TSHZ2: variants seen among roughly 807,000 people sequenced by gnomAD.
TSHZ2 encodes the protein teashirt zinc finger homeobox 2, also known as teashirt homolog 2.
TSHZ2 carries 21 observed loss-of-function variants against 74.4 expected under a neutral mutation model. The observed-to-expected ratio is 0.28, with a 90% CI of 0.20 to 0.41. The LOEUF (loss-of-function observed/expected upper bound fraction) is 0.41, where lower values mean the gene tolerates loss of function less well. Among genes scored for constraint, TSHZ2 ranks in the 10% least tolerant of loss-of-function variants. The pLI is 1.00. For synonymous variants in TSHZ2, 540 were observed against 515.3 expected (o/e 1.05, Z -0.65); for missense variants, 1,244 against 1,293.5 (o/e 0.96, Z 0.59).
chr20:53,313,936 A>G (rs191240842), intron 2 of TSHZ2, among the ~76,000 whole-genome samples: 14 of 152,296 alleles, frequency 9.2e-5, no homozygotes, highest in African/African-American at 3.4e-4. Context: ...CTGGCTGTGT[A>G]TTACCTTATT....
intron 1 of TSHZ2, among the ~76,000 whole-genome samples, chr20:52,988,735 A>G (rs2122907111): frequency 6.6e-6 from 1 of 152,282 alleles, no homozygotes; most frequent in Middle Eastern, 3.4e-3. Flanking sequence ...TTCCTGTTTC[A>G]CTAAACAAAA....
chr20:53,275,532 C>T lies in TSHZ2; in HGVS notation c.*8+18961C>T, dbSNP rs189710195. ...AGGTGATTTTCAAGAGGAAAGGCTG[C>T]AGGTCGATGAGCACAAGCCCCCTGT... is the stretch of plus-strand genomic sequence containing the variant. On this transcript the variant is annotated intron_variant, in intron 2 of 2. Coordinates refer to ENST00000371497, the MANE Select transcript of TSHZ2 (RefSeq NM_173485.6). 3.2e-4 allele frequency among the ~76,000 whole-genome samples: 48 copies of T among 152,196 alleles called. 1 individual carries two copies. The Middle Eastern group carries it at 0.01, about 32-fold the overall frequency.
At chr20:53,150,662 GAA>G (rs966828154) in intron 1 of TSHZ2, among the ~76,000 whole-genome samples, 13 of 148,610 alleles carry the variant, frequency 8.7e-5, no homozygotes, top group Admixed American at 8.1e-4. Flanking sequence ...AAGAAGGAAA[GAA>G]AGAGAAAGAA....
At chr20:53,158,421 A>G (rs1568787489) in intron 1 of TSHZ2, among the ~76,000 whole-genome samples, 1 of 152,044 alleles carries the variant, frequency 6.6e-6, no homozygotes, top group Non-Finnish European at 1.5e-5. Context: ...CAGGCAGGAC[A>G]GGGCTGTGGC....
intron 2 of TSHZ2, among the ~76,000 whole-genome samples, chr20:53,326,682 G>A (rs957907540): frequency 1.3e-5 from 2 of 152,180 alleles, no homozygotes; most frequent in Non-Finnish European, 2.9e-5. Flanking sequence ...ATGTGCCATC[G>A]TTGGAGGAGG....
At chr20:53,463,408 AAGGAAGGAAGGAAGGAAGGAAGGAAGG>A (rs1248286231) in intron 2 of TSHZ2, among the ~76,000 whole-genome samples, 5 of 118,652 alleles carry the variant, frequency 4.2e-5, no homozygotes, top group African/African-American at 1.7e-4. Flanking sequence ...GGAAGGAAGG[AAGGAAGGAAGGAAGGAAGGAAGGAAGG>A]AGGGAGGGAG....
chr20:53,304,733 G>C (rs1003959839), intron 2 of TSHZ2, among the ~76,000 whole-genome samples: 1 of 152,168 alleles, frequency 6.6e-6, no homozygotes, highest in African/African-American at 2.4e-5. Flanking sequence ...CCGGGTTCAA[G>C]TGATTCTCCT....
intron 2 of TSHZ2, among the ~76,000 whole-genome samples, chr20:53,324,774 T>C (rs375541346): frequency 6.6e-6 from 1 of 152,232 alleles, no homozygotes; most frequent in Non-Finnish European, 1.5e-5. Context: ...TGCTATGATT[T>C]TGATGCATTA....
intron 1 of TSHZ2, among the ~76,000 whole-genome samples, chr20:53,204,771 A>G (rs200765012): frequency 1.3e-5 from 2 of 152,096 alleles, no homozygotes; most frequent in East Asian, 3.9e-4. Flanking sequence ...AGATGTGAAC[A>G]TTGAGTATTA....
At chr20:53,302,944 G>C (rs753833168) in intron 2 of TSHZ2, among the ~76,000 whole-genome samples, 14 of 152,208 alleles carry the variant, frequency 9.2e-5, no homozygotes, top group Admixed American at 4.6e-4. Flanking sequence ...GAAAGTCATA[G>C]CTAATTTCCA....
At chr20:53,017,616 A>G (rs1217259477) in intron 1 of TSHZ2, among the ~76,000 whole-genome samples, 1 of 152,228 alleles carries the variant, frequency 6.6e-6, no homozygotes, top group Non-Finnish European at 1.5e-5. Flanking sequence ...ACATGAAAGC[A>G]GTACACAATT....
At position 53,491,883 on chromosome 20, in the gene TSHZ2, G is replaced by C. The variant is rs1986456478; in HGVS notation, c.*4748G>C. 1 of 152,084 alleles carries C rather than the reference G, an allele frequency of 6.6e-6. No homozygotes were observed. Among genetic ancestry groups the C allele is most frequent in the Non-Finnish European group, 1.5e-5 (1 of 68,004 alleles). 9.4% of individuals were successfully genotyped at this position (152,084 alleles called of 1,614,324 possible). A position where few individuals can be genotyped will look rare whatever the true frequency, so the allele number is the denominator to read the frequency against. On this transcript the variant is annotated 3_prime_UTR_variant, in exon 3 of 3. Transcript: ENST00000371497. ...TACAAATGATTTTACCAATAGCCAT[G>C]ATTATTATTAAGGCCTTTTAAAATA...
At chr20:53,095,493 G>A (rs987675931) in intron 1 of TSHZ2, among the ~76,000 whole-genome samples, 2 of 152,196 alleles carry the variant, frequency 1.3e-5, no homozygotes, top group Admixed American at 6.5e-5. Context: ...GGATCTCAAA[G>A]CAAGATGATA....
intron 2 of TSHZ2, among the ~76,000 whole-genome samples, chr20:53,342,473 T>C (rs903146451): frequency 2.0e-5 from 3 of 152,174 alleles, no homozygotes; most frequent in African/African-American, 7.2e-5. Context: ...AAGGGTTGAA[T>C]GGTAATTTGA....
intron 1 of TSHZ2, among the ~76,000 whole-genome samples, chr20:53,085,138 A>T (rs1985657701): frequency 6.6e-6 from 1 of 152,066 alleles, no homozygotes; most frequent in Non-Finnish European, 1.5e-5. Flanking sequence ...AGATGGGTGG[A>T]TCACCTGAAG....
chr20:53,419,725 A>T (rs1983399021), intron 2 of TSHZ2, among the ~76,000 whole-genome samples: 2 of 152,216 alleles, frequency 1.3e-5, no homozygotes, highest in African/African-American at 4.8e-5. Context: ...GGAGAATCAG[A>T]GTCAACAAGT....
intron 2 of TSHZ2, among the ~76,000 whole-genome samples, chr20:53,358,462 T>G (rs1323625429): frequency 1.4e-5 from 2 of 146,444 alleles, no homozygotes; most frequent in Non-Finnish European, 3.0e-5. Flanking sequence ...TGCCTCAGCC[T>G]CCCCAGTACC....
At chr20:53,249,995 G>A (rs1267423509) in intron 1 of TSHZ2, among the ~76,000 whole-genome samples, 1 of 152,116 alleles carries the variant, frequency 6.6e-6, no homozygotes, top group African/African-American at 2.4e-5. Flanking sequence ...GCCATGGAGT[G>A]GGAGAAAAAT....
At chr20:53,218,138 T>A (rs537431989) in intron 1 of TSHZ2, among the ~76,000 whole-genome samples, 1 of 152,354 alleles carries the variant, frequency 6.6e-6, no homozygotes, top group Non-Finnish European at 1.5e-5. Flanking sequence ...AGTCATGATG[T>A]TGTCCTTTAT....
Sources: gnomAD v4.1 joint callset for allele counts (sites outside exome capture counted in the v4.1 genomes callset) on GRCh38, gnomAD v4.1.1 for gene constraint, MANE v1.5 for transcripts, NCBI Gene and HGNC (gene_info 2026-07-23, HGNC 2026-07-21) for gene names.